The following MEGF10 variants were observed in gnomAD, a reference collection of about 807,000 sequenced individuals.
MEGF10 encodes the protein multiple EGF like domains 10, also known as multiple epidermal growth factor-like domains protein 10.
MEGF10 carries 86 observed loss-of-function variants against 147.5 expected under a neutral mutation model. That is an observed-to-expected ratio of 0.58 (90% CI 0.49 to 0.70). MEGF10 has a LOEUF of 0.70. Ranked by LOEUF, MEGF10 falls within the 30% of genes least tolerant of loss-of-function variation. The pLI, the probability that MEGF10 is intolerant of heterozygous loss-of-function variation, is 0.00. For synonymous variants in MEGF10, 478 were observed against 525.5 expected, an observed-to-expected ratio of 0.91 and a Z score of 1.24; for missense variants, 1,329 against 1,487.3, an observed-to-expected ratio of 0.89 and a Z score of 1.75.
intron 8 of MEGF10, among the ~76,000 whole-genome samples, chr5:127,403,411 C>T (rs1764204169): frequency 6.6e-6 from 1 of 152,066 alleles, no homozygotes. Flanking sequence ...GTATCCATCC[C>T]CTCAAGTATT....
Position 127,417,676 on chromosome 5 carries a change from G to A in MEGF10, c.1169G>A (p.Gly390Asp), listed in dbSNP as rs367855324. 1.9e-6 allele frequency: 3 copies of A among 1,614,038 alleles called. No individual in the cohort carries two copies. The African/African-American group carries it at 4.0e-5, about 22-fold the overall frequency. Residue 390 changes from glycine (G) to aspartate (D), a missense_variant, in exon 10 of 25, where the codon GGC becomes GAC. By Grantham distance (94) the Gly-to-Asp change is moderately conservative. This residue lies in a region of MEGF10 where 980 missense variants were observed against 1,085.9 expected (regional missense o/e 0.90). Coordinates refer to ENST00000503335, the MANE Select transcript of MEGF10 (RefSeq NM_001256545.2). ...PMSGECACKP[G>D]WSGLYCNETC... ...TCTGGAGAGTGTGCCTGCAAGCCGG[G>A]CTGGTCAGGACTCTACTGTAATGAG...
intron 19 of MEGF10, 78 bp downstream of exon 19, chr5:127,443,204 C>T (rs1765820893): frequency 7.1e-7 from 1 of 1,399,504 alleles, no homozygotes; most frequent in South Asian, 1.7e-5. Flanking sequence ...AGTATTTTCA[C>T]TTATGTTATC....
chr5:127,455,888 C>A (rs1472471476), intron 24 of MEGF10, among the ~76,000 whole-genome samples: 1 of 152,026 alleles, frequency 6.6e-6, no homozygotes, highest in African/African-American at 2.4e-5. Flanking sequence ...CACAGGCACG[C>A]ACTACCACGC....
At chr5:127,352,534 A>T (rs1489948901) in intron 4 of MEGF10, among the ~76,000 whole-genome samples, 1 of 152,034 alleles carries the variant, frequency 6.6e-6, no homozygotes, top group African/African-American at 2.4e-5. Context: ...GGTGATGCAC[A>T]CCTATAATCC....
chr5:127,319,724 C>T (rs910541231), intron 1 of MEGF10, among the ~76,000 whole-genome samples: 2 of 152,314 alleles, frequency 1.3e-5, no homozygotes, highest in Non-Finnish European at 2.9e-5. Context: ...TTATTAAAGT[C>T]TTTGGCTAAC....
intron 1 of MEGF10, among the ~76,000 whole-genome samples, chr5:127,322,744 A>C (rs1760836616): frequency 6.6e-6 from 1 of 152,168 alleles, no homozygotes; most frequent in African/African-American, 2.4e-5. Flanking sequence ...ATGAAATTTG[A>C]ATTAGGTCTA....
At chr5:127,434,494 C>T (rs1765489730) in intron 14 of MEGF10, among the ~76,000 whole-genome samples, 193 bp from the exon 15 acceptor site, 1 of 152,142 alleles carries the variant, frequency 6.6e-6, no homozygotes, top group South Asian at 2.1e-4. Flanking sequence ...AGTTTAGTGG[C>T]TTCTTTTCCT....
the MEGF10 span, among the ~76,000 whole-genome samples, chr5:127,248,054 A>C: frequency 6.6e-6 from 1 of 152,148 alleles, no homozygotes; most frequent in East Asian, 1.9e-4. Context: ...GAGATATTGC[A>C]GTCTTAGCCC....
At chr5:127,274,295 A>T in the MEGF10 span, among the ~76,000 whole-genome samples, 1 of 152,180 alleles carries the variant, frequency 6.6e-6, no homozygotes, top group South Asian at 2.1e-4. Context: ...GAACGGAAAT[A>T]ATTTTGTGAA....
chr5:127,322,908 C>CA (rs1040447360), intron 1 of MEGF10, among the ~76,000 whole-genome samples: 7 of 151,764 alleles, frequency 4.6e-5, no homozygotes, highest in African/African-American at 1.5e-4. Flanking sequence ...TAAATGATTA[C>CA]AAAAAACATA....
chr5:127,413,092 C>G (rs1764632359), intron 9 of MEGF10, among the ~76,000 whole-genome samples: 1 of 152,136 alleles, frequency 6.6e-6, no homozygotes, highest in Non-Finnish European at 1.5e-5. Context: ...TACCCCACCT[C>G]TCGATGGGAG....
upstream of MEGF10, among the ~76,000 whole-genome samples, chr5:127,289,334 CT>C (rs1479818134): frequency 1.3e-5 from 2 of 152,188 alleles, no homozygotes; most frequent in African/African-American, 4.8e-5. Flanking sequence ...AGCCAATTTC[CT>C]TAGAAAACAG....
chr5:127,439,245 A>T (rs2127012458), intron 17 of MEGF10, among the ~76,000 whole-genome samples: 1 of 152,312 alleles, frequency 6.6e-6, no homozygotes, highest in African/African-American at 2.4e-5. Flanking sequence ...TACTTACTCC[A>T]AAGCTGAGCA....
At chr5:127,388,604 G>T (rs1763527608) in intron 5 of MEGF10, among the ~76,000 whole-genome samples, 1 of 151,084 alleles carries the variant, frequency 6.6e-6, no homozygotes, top group Non-Finnish European at 1.5e-5. Flanking sequence ...GGAGTGCAGT[G>T]GCGCGATCTC....
At chr5:127,289,908 A>T (rs1189058159), upstream of MEGF10, among the ~76,000 whole-genome samples, 1 of 152,150 alleles carries the variant, frequency 6.6e-6, no homozygotes, top group Non-Finnish European at 1.5e-5. Context: ...ACGACACAAG[A>T]AAGAACTTTG....
the MEGF10 span, among the ~76,000 whole-genome samples, chr5:127,267,192 G>T: frequency 6.6e-6 from 1 of 152,130 alleles, no homozygotes; most frequent in Admixed American, 6.5e-5. Flanking sequence ...TGTGGTTTTT[G>T]TCTTTGGTTC....
chr5:127,271,053 T>G, the MEGF10 span, among the ~76,000 whole-genome samples: 1 of 152,216 alleles, frequency 6.6e-6, no homozygotes, highest in African/African-American at 2.4e-5. Context: ...TAGTAGATGA[T>G]TTATATTCCT....
the MEGF10 span, among the ~76,000 whole-genome samples, chr5:127,262,967 T>C: frequency 9.3e-3 from 1,410 of 152,242 alleles, 15 homozygotes; most frequent in African/African-American, 0.03. Context: ...CAAATTATTA[T>C]AGTACTTGCT....
Position 127,433,776 on chromosome 5 carries a change from A to T in MEGF10, c.1840+267A>T, listed in dbSNP as rs536208422. Among the ~76,000 whole-genome samples, 49 of 152,364 alleles carry T rather than the reference A, an allele frequency of 3.2e-4. No individual in the cohort carries two copies. In the South Asian group the frequency reaches 9.7e-3, roughly 30 times the overall value. On this transcript the variant is annotated intron_variant, in intron 14 of 24. Coordinates refer to ENST00000503335, the MANE Select transcript of MEGF10 (RefSeq NM_001256545.2). ...TTGCCTCATTGGCACAACCATCAGG[A>T]TATATTTCTTCACCCTTCCTGAAAG...
Sources: gnomAD v4.1 joint callset for allele counts (sites outside exome capture counted in the v4.1 genomes callset) on GRCh38, gnomAD v4.1.1 for gene constraint, gnomAD v4.1.1 regional missense constraint, MANE v1.5 for transcripts, NCBI Gene and HGNC (gene_info 2026-07-23, HGNC 2026-07-21) for gene names.